The following SP1 variants were observed in gnomAD, a reference collection of about 807,000 sequenced individuals.
SP1 encodes transcription factor Sp1.
A neutral mutation model predicts 66.3 loss-of-function variants in SP1; 6 were observed. That is an observed-to-expected ratio of 0.09 (90% CI 0.05 to 0.18). The LOEUF (loss-of-function observed/expected upper bound fraction) is 0.18. Among genes scored for constraint, SP1 ranks in the 10% least tolerant of loss-of-function variants. SP1 has a pLI of 1.00. For missense variants in SP1, 848 were observed against 964.5 expected (o/e 0.88, Z 1.60); for synonymous variants, 417 against 360.8 (o/e 1.16, Z -1.77).
chr12:53,402,024 T>C (rs551541575), intron 3 of SP1, among the ~76,000 whole-genome samples: 2 of 152,282 alleles, frequency 1.3e-5, no homozygotes, highest in South Asian at 4.1e-4. Flanking sequence ...ATGGAGAAGC[T>C]GACGACCAGA....
chr12:53,415,029 A>G lies in SP1; in HGVS notation c.*3789A>G, dbSNP rs1214153918. 1 of 152,558 alleles carries G rather than the reference A, an allele frequency of 6.6e-6. No individual in the cohort carries two copies. Among genetic ancestry groups the G allele is most frequent in the Non-Finnish European group, 1.5e-5 (1 of 68,022 alleles). 9.5% of individuals were successfully genotyped at this position (152,558 alleles called of 1,614,324 possible). A position where few individuals can be genotyped will look rare whatever the true frequency, so the allele number is the denominator to read the frequency against. On this transcript the variant is annotated 3_prime_UTR_variant, in exon 6 of 6. Coordinates refer to ENST00000327443, the MANE Select transcript of SP1 (RefSeq NM_138473.3). ...TGAGAGGGAAAATGTGAAATCTCAG[A>G]ATTTATCTCCCTTAGAAGAGAGCCA...
Position 53,390,144 on chromosome 12 carries a change from T to C in SP1, c.1675+6522T>C, listed in dbSNP as rs929369436. On this transcript the variant is annotated intron_variant, in intron 3 of 5. Transcript: ENST00000327443. ...GATGATTTAAATGTCTTACCAGTTA[T>C]CATTTTTGTGCAAAAGGTCATATGA... Among the ~76,000 whole-genome samples the C allele has an allele frequency of 1.2e-4, 19 of 152,328 alleles. 1 individual carries two copies. The highest frequency in any genetic ancestry group is 3.6e-4 in the African/African-American group (15 of 41,570).
intron 3 of SP1, among the ~76,000 whole-genome samples, chr12:53,395,415 T>G (rs939477789): frequency 6.6e-6 from 1 of 152,156 alleles, no homozygotes; most frequent in African/African-American, 2.4e-5. Context: ...GTTATCACAT[T>G]TTAAGGCTTC....
intron 3 of SP1, among the ~76,000 whole-genome samples, chr12:53,403,073 G>A (rs534880864): frequency 6.6e-6 from 1 of 152,104 alleles, no homozygotes; most frequent in Admixed American, 6.6e-5. Flanking sequence ...GCTTGAACCA[G>A]GGAGGCGGAG....
intron 3 of SP1, among the ~76,000 whole-genome samples, chr12:53,403,733 T>C (rs747936071): frequency 1.2e-4 from 18 of 152,094 alleles, no homozygotes; most frequent in Non-Finnish European, 2.2e-4. Flanking sequence ...TTATAGTAAA[T>C]GCTTTGAAAA....
At chr12:53,383,766 G>T in intron 3 of SP1, 144 bp downstream of exon 3, 1 of 709,822 alleles carries the variant, frequency 1.4e-6, no homozygotes, top group Admixed American at 2.9e-5. Flanking sequence ...GAGAAATAGA[G>T]ATTCTGTTTA....
At chr12:53,408,919 G>A (rs577061973) in intron 4 of SP1, among the ~76,000 whole-genome samples, 4 of 140,116 alleles carry the variant, frequency 2.9e-5, no homozygotes, top group South Asian at 2.3e-4. Flanking sequence ...ACAAACAAAC[G>A]AACAAAAAAA....
intron 3 of SP1, among the ~76,000 whole-genome samples, chr12:53,398,131 ACTT>A (rs1460050213): frequency 2.0e-5 from 3 of 152,184 alleles, no homozygotes; most frequent in African/African-American, 2.4e-5. Flanking sequence ...GATTATAACT[ACTT>A]AATTTCTTGT....
intron 3 of SP1, among the ~76,000 whole-genome samples, chr12:53,383,978 T>C (rs1325529263): frequency 2.0e-5 from 3 of 151,736 alleles, no homozygotes; most frequent in African/African-American, 2.4e-5. Context: ...CTTTTCTTTT[T>C]TTTTTTTTTG....
chr12:53,409,119 G>C (rs942994899), intron 4 of SP1, among the ~76,000 whole-genome samples: 4 of 151,866 alleles, frequency 2.6e-5, no homozygotes, highest in African/African-American at 9.7e-5. Flanking sequence ...CAGCTACTCG[G>C]GAGGCTGAGG....
chr12:53,381,621 C>T (rs764628057), intron 1 of SP1, 38 bp from the exon 2 acceptor site: 5 of 1,556,228 alleles, frequency 3.2e-6, no homozygotes, highest in African/African-American at 1.4e-5. Context: ...TTCTTTTCTT[C>T]CCTCAAGTTT....
chr12:53,382,088 C>T (rs745543753), intron 2 of SP1, 22 bp from the exon 3 acceptor site: 35 of 1,610,154 alleles, frequency 2.2e-5, no homozygotes, highest in Non-Finnish European at 2.9e-5. Flanking sequence ...TAACTCCTTT[C>T]CTCTCCCTTA....
chr12:53,389,339 A>G (rs1353631281), intron 3 of SP1, among the ~76,000 whole-genome samples: 1 of 148,370 alleles, frequency 6.7e-6, no homozygotes, highest in Non-Finnish European at 1.5e-5. Context: ...CTCCTGCCTC[A>G]GCCTCCCGAG....
chr12:53,405,097 C>A (rs922038031), intron 3 of SP1, among the ~76,000 whole-genome samples: 2 of 152,036 alleles, frequency 1.3e-5, no homozygotes, highest in African/African-American at 4.8e-5. Flanking sequence ...GATCCAACCA[C>A]CTCGGCCTCC....
chr12:53,403,362 G>T (rs940846994), intron 3 of SP1, among the ~76,000 whole-genome samples: 1 of 151,748 alleles, frequency 6.6e-6, no homozygotes, highest in South Asian at 2.1e-4. Context: ...ATCTTTTTTG[G>T]TTTTTTGTTT....
chr12:53,383,930 A>G (rs1938166549), intron 3 of SP1, among the ~76,000 whole-genome samples: 1 of 151,778 alleles, frequency 6.6e-6, no homozygotes, highest in South Asian at 2.1e-4. Context: ...AGTAACGTAA[A>G]TATTTTAGAC....
At chr12:53,385,582 G>A (rs1311451510) in intron 3 of SP1, among the ~76,000 whole-genome samples, 3 of 144,716 alleles carry the variant, frequency 2.1e-5, no homozygotes, top group Non-Finnish European at 3.0e-5. Flanking sequence ...GTGACAGAGC[G>A]AGACTCCGTC....
chr12:53,413,033 T>C lies in SP1; in HGVS notation c.*1793T>C, dbSNP rs1938927146. On this transcript the variant is annotated 3_prime_UTR_variant, in exon 6 of 6. Transcript: ENST00000327443. The stretch of plus-strand genomic sequence containing the variant: ...TAAAAGAGACCTGCAATAAAAAAAT[T>C]ACCCTGATCTGATAGAAAGCAAGTG... The C allele has an allele frequency of 6.6e-6, 1 of 152,402 alleles. No individual in the cohort carries two copies. The highest frequency in any genetic ancestry group is 2.4e-5 in the African/African-American group (1 of 41,376). 9.4% of individuals were successfully genotyped at this position (152,402 alleles called of 1,614,324 possible).
At chr12:53,380,940 G>GTTTTTT (rs1314608778) in intron 1 of SP1, among the ~76,000 whole-genome samples, 1 of 131,448 alleles carries the variant, frequency 7.6e-6, no homozygotes, top group African/African-American at 3.0e-5. Context: ...TTGGATTTTT[G>GTTTTTT]TTTGTCTTTT....
Sources: allele counts gnomAD v4.1 joint callset (sites outside exome capture counted in the v4.1 genomes callset), GRCh38; gene constraint gnomAD v4.1.1; transcripts MANE v1.5; gene names NCBI Gene and HGNC (gene_info 2026-07-23, HGNC 2026-07-21).